UGGT2: variants seen among roughly 807,000 people sequenced by gnomAD.
UGGT2 encodes the protein UDP-glucose:glycoprotein glucosyltransferase 2.
A neutral mutation model predicts 192.1 loss-of-function variants in UGGT2; 180 were observed. The observed-to-expected ratio is 0.94, with a 90% confidence interval of 0.83 to 1.06. UGGT2 has a LOEUF of 1.06. UGGT2 is among the 50% of genes least tolerant of loss of function. The pLI is 0.00. For synonymous variants in UGGT2, 580 were observed against 591.0 expected, an observed-to-expected ratio of 0.98 and a Z score of 0.27; for missense variants, 1,849 against 1,795.7, an observed-to-expected ratio of 1.03 and a Z score of -0.54.
intron 26 of UGGT2, 125 bp from the exon 27 acceptor site, chr13:95,884,805 A>G: frequency 1.1e-6 from 1 of 871,580 alleles, no homozygotes; most frequent in Non-Finnish European, 1.7e-6. Context: ...ACTAAGATGC[A>G]TTATACTGCA....
Position 95,907,586 on chromosome 13 carries a change from G to C in UGGT2, c.2296-4526C>G, listed in dbSNP as rs369493858. Among the ~76,000 whole-genome samples, 16 of 152,300 alleles carry C rather than the reference G, an allele frequency of 1.1e-4. No individual in the cohort carries two copies. In the South Asian group the frequency reaches 3.1e-3, roughly 30 times the overall value. ...CAATATTTGCTGTTCTGCAGCCTCC[G>C]CTGGTGATACCCAGGCAAAAAGGAT... On this transcript the variant is annotated intron_variant, in intron 20 of 38. Transcript: ENST00000376747.
At chr13:95,802,121 G>A (rs960724759) in intron 38 of UGGT2, among the ~76,000 whole-genome samples, 2 of 152,164 alleles carry the variant, frequency 1.3e-5, no homozygotes, top group African/African-American at 4.8e-5. Context: ...TGGCAGATAA[G>A]AGGTCTTGAA....
intron 38 of UGGT2, among the ~76,000 whole-genome samples, chr13:95,818,677 G>C (rs1021592683): frequency 3.3e-5 from 5 of 152,142 alleles, no homozygotes; most frequent in African/African-American, 1.2e-4. Context: ...GATGTAGCTT[G>C]AACAGGGCAG....
chr13:95,822,671 T>A (rs1182257273), intron 38 of UGGT2, among the ~76,000 whole-genome samples: 1 of 152,146 alleles, frequency 6.6e-6, no homozygotes, highest in Non-Finnish European at 1.5e-5. Flanking sequence ...CGGTTTCATT[T>A]CGAATTGAGC....
At position 95,801,847 on chromosome 13, in the gene UGGT2, TC is replaced by T. The variant is rs758022716; in HGVS notation, c.4529-36del. ...AGAAAAGTTTATTTAGCTTCTGGCA[TC>T]TTAAACATAAAAATATCTTAAATAT... On this transcript the variant is annotated intron_variant, in intron 38 of 38. Transcript: ENST00000376747. The T allele has an allele frequency of 3.1e-5, 50 of 1,611,982 alleles. No homozygotes were observed. The African/African-American group carries it at 6.0e-4, about 19-fold the overall frequency.
chr13:95,972,295 T>C (rs1413566770), intron 11 of UGGT2, among the ~76,000 whole-genome samples: 1 of 151,660 alleles, frequency 6.6e-6, no homozygotes, highest in Non-Finnish European at 1.5e-5. Context: ...CCAAATAACT[T>C]CTCTGCAAAT....
chr13:95,924,682 CTCAG>C (rs1435347739), intron 20 of UGGT2, among the ~76,000 whole-genome samples: 1 of 151,948 alleles, frequency 6.6e-6, no homozygotes, highest in East Asian at 1.9e-4. Context: ...GACATTGTGG[CTCAG>C]TCTTTATCTC....
chr13:95,815,930 TAGTG>T lies in UGGT2; in HGVS notation c.4529-14122_4529-14119del, dbSNP rs1278534822. On this transcript the variant is annotated intron_variant, in intron 38 of 38. Coordinates refer to ENST00000376747, the MANE Select transcript of UGGT2 (RefSeq NM_020121.4). The stretch of plus-strand genomic sequence containing the variant: ...CATTCCCTCGGTGCTCTTCTTGTGA[TAGTG>T]AGTGAGTTAGTGTGAGATCTGGTTG... Among the ~76,000 whole-genome samples, 12 of 152,284 alleles carry T rather than the reference TAGTG, an allele frequency of 7.9e-5. No individual in the cohort carries two copies. The East Asian group carries it at 9.6e-4, about 12-fold the overall frequency.
intron 27 of UGGT2, 85 bp from the exon 28 acceptor site, chr13:95,877,941 A>T: frequency 7.4e-7 from 1 of 1,347,810 alleles, no homozygotes; most frequent in Admixed American, 2.2e-5. Context: ...GATTATTTTA[A>T]TATTGGCCAA....
chr13:95,841,530 G>A (rs1303415580), intron 36 of UGGT2, among the ~76,000 whole-genome samples: 1 of 152,124 alleles, frequency 6.6e-6, no homozygotes, highest in African/African-American at 2.4e-5. Flanking sequence ...TGATCAATGG[G>A]GTGACAGATG....
chr13:96,051,433 C>A (rs2053482890), intron 1 of UGGT2, among the ~76,000 whole-genome samples: 1 of 152,054 alleles, frequency 6.6e-6, no homozygotes, highest in African/African-American at 2.4e-5. Context: ...ATCTATGTAC[C>A]TGCACGTTGT....
At position 95,887,166 on chromosome 13, in the gene UGGT2, TTGTG is replaced by T. The variant is rs1379604537; in HGVS notation, c.3038+722_3038+725del. The T allele has an allele frequency of 2.5e-4, 91 of 360,614 alleles. 2 individuals carry two copies. Among genetic ancestry groups the T allele is most frequent in the South Asian group, 1.8e-3 (79 of 43,348 alleles). The allele number at this position is 360,614 out of a possible 1,614,324, so 22.3% of individuals were successfully genotyped here. ...AGGAATGAACAGAATGCTACCTGTC[TTGTG>T]TGTGTATGCATACATTTTTTGTTTA... On this transcript the variant is annotated intron_variant, in intron 26 of 38. Coordinates refer to ENST00000376747, the MANE Select transcript of UGGT2 (RefSeq NM_020121.4).
At chr13:96,038,567 C>T (rs2053073148) in intron 1 of UGGT2, among the ~76,000 whole-genome samples, 2 of 152,128 alleles carry the variant, frequency 1.3e-5, no homozygotes, top group Non-Finnish European at 2.9e-5. Context: ...TGGGCTTCTG[C>T]TGAGATGGTT....
chr13:95,904,208 T>C (rs540455193), intron 20 of UGGT2, among the ~76,000 whole-genome samples: 1 of 152,186 alleles, frequency 6.6e-6, no homozygotes, highest in African/African-American at 2.4e-5. Context: ...TTCCATTTAT[T>C]GGTATTATAC....
chr13:95,878,729 T>C (rs894883683), intron 27 of UGGT2, among the ~76,000 whole-genome samples: 8 of 152,210 alleles, frequency 5.3e-5, no homozygotes, highest in African/African-American at 1.9e-4. Flanking sequence ...TTCAACACTA[T>C]TGTTTAGTGT....
At chr13:95,807,902 T>A (rs1884399289) in intron 38 of UGGT2, among the ~76,000 whole-genome samples, 1 of 152,020 alleles carries the variant, frequency 6.6e-6, no homozygotes, top group Non-Finnish European at 1.5e-5. Flanking sequence ...AATATTATCA[T>A]CCTTCCAGAC....
rs145478720 is a variant in UGGT2, at chr13:95,960,586, T to G, written c.1335+9526A>C. The stretch of plus-strand genomic sequence containing the variant: ...AAGTGACCAAATATTTGAATTTTGC[T>G]GTCCCAGAAGATTAAAAAAAAAGTA... On this transcript the variant is annotated intron_variant, in intron 12 of 38. Coordinates refer to ENST00000376747, the MANE Select transcript of UGGT2 (RefSeq NM_020121.4). Among the ~76,000 whole-genome samples the G allele has an allele frequency of 2.6e-3, 396 of 152,236 alleles. 5 individuals are homozygous for G. Among genetic ancestry groups the G allele is most frequent in the East Asian group, 3.5e-3 (18 of 5,182 alleles).
chr13:95,893,007 C>T (rs2047844500), intron 24 of UGGT2, among the ~76,000 whole-genome samples: 1 of 152,068 alleles, frequency 6.6e-6, no homozygotes, highest in Non-Finnish European at 1.5e-5. Context: ...AGAAGAATGT[C>T]AAATCCACAG....
intron 36 of UGGT2, among the ~76,000 whole-genome samples, chr13:95,842,302 C>G (rs1887953276): frequency 1.3e-5 from 2 of 152,056 alleles, no homozygotes; most frequent in Non-Finnish European, 2.9e-5. Context: ...AATACAAATA[C>G]TTTAGGTCTG....
Sources: gnomAD v4.1 joint callset for allele counts (sites outside exome capture counted in the v4.1 genomes callset) on GRCh38, gnomAD v4.1.1 for gene constraint, MANE v1.5 for transcripts, NCBI Gene and HGNC (gene_info 2026-07-23, HGNC 2026-07-21) for gene names.